Variants in ADPGK observed in about 807,000 individuals in gnomAD.
ADPGK encodes ADP-dependent glucokinase.
Under a neutral mutation model 42.4 loss-of-function variants are expected in ADPGK, and 26 were observed. The ratio of observed to expected loss-of-function variants is 0.61; its 90% CI spans 0.45 to 0.85. The LOEUF (loss-of-function observed/expected upper bound fraction) is 0.85. Among genes scored for constraint, ADPGK ranks in the 40% least tolerant of loss-of-function variants. ADPGK has a pLI of 0.00. For synonymous variants in ADPGK, 267 were observed against 252.6 expected (o/e 1.06, Z -0.54); for missense variants, 571 against 627.0 (o/e 0.91, Z 0.95).
At chr15:72,755,452 A>G (rs2151069800) in intron 6 of ADPGK, 104 bp downstream of exon 6, 4 of 791,292 alleles carry the variant, frequency 5.1e-6, no homozygotes, top group Non-Finnish European at 8.3e-6. Flanking sequence ...CCTACATGTC[A>G]GTGAGCCAGT....
chr15:72,752,389 G>C lies in ADPGK; in HGVS notation c.1446C>G (p.Ala482=). 6.2e-7 allele frequency: 1 copy of C among 1,614,174 alleles called. No homozygotes were observed. Among genetic ancestry groups the C allele is most frequent in the Non-Finnish European group, 8.5e-7 (1 of 1,180,016 alleles). Residue 482 remains alanine, a synonymous_variant, in exon 7 of 7, where the codon GCC becomes GCG. Coordinates refer to ENST00000456471, the MANE Select transcript of ADPGK (RefSeq NM_001365225.1). ...DPIRTVGLGD[A]ISAEGLFYSE... Reference sequence around the variant, plus strand: ...AATAGAAGAGTCCTTCGGCTGAAATGGCATCTCCAAGGCCTACAGTTCGAA... The same window carrying C: ...AATAGAAGAGTCCTTCGGCTGAAATCGCATCTCCAAGGCCTACAGTTCGAA...
intron 2 of ADPGK, among the ~76,000 whole-genome samples, chr15:72,773,779 C>G (rs1426981694): frequency 6.6e-6 from 1 of 152,234 alleles, no homozygotes; most frequent in African/African-American, 2.4e-5. Flanking sequence ...TAACTGAAAT[C>G]TTAACTTGCT....
rs779619402 is a variant in ADPGK at position 72,775,065 on chromosome 15, CCT to C, written c.264_265del (p.Val90GlufsTer9). On this transcript the variant is annotated frameshift_variant, in exon 2 of 7. Transcript: ENST00000456471. LOFTEE classifies it high-confidence loss of function. ...GCCAAGTGCCTGCAAGAGCTTCACCCCTGAGAGCACCACATCAACACATGCAT... is the reference window on the plus strand; with the variant it reads ...GCCAAGTGCCTGCAAGAGCTTCACCCGAGAGCACCACATCAACACATGCAT... The C allele has an allele frequency of 2.5e-6, 4 of 1,614,142 alleles. No individual in the cohort carries two copies. The highest frequency in any genetic ancestry group is 3.4e-6 in the Non-Finnish European group (4 of 1,180,012).
At chr15:72,775,511 G>C (rs971724134) in intron 1 of ADPGK, among the ~76,000 whole-genome samples, 1 of 152,196 alleles carries the variant, frequency 6.6e-6, no homozygotes, top group Non-Finnish European at 1.5e-5. Context: ...GCAATAATAT[G>C]AGCATTTAAC....
At chr15:72,763,736 T>C (rs948874534) in intron 3 of ADPGK, among the ~76,000 whole-genome samples, 2 of 152,222 alleles carry the variant, frequency 1.3e-5, no homozygotes, top group African/African-American at 4.8e-5. Flanking sequence ...CTGCAGATAC[T>C]GCAGTTTTTA....
Position 72,760,470 on chromosome 15 carries a change from A to G in ADPGK, c.580T>C (p.Phe194Leu), listed in dbSNP as rs765293691. Residue 194 changes from phenylalanine (F) to leucine (L), a missense_variant, in exon 4 of 7, where the codon TTT (phenylalanine) becomes CTT (leucine). Physicochemically the swap from Phe to Leu is conservative, Grantham distance 22. Around this residue, in one of 2 missense-constraint regions of ADPGK, gnomAD observed 434 missense variants for 522.7 expected, o/e 0.83. Transcript: ENST00000456471. Reference sequence around the variant, plus strand: ...TCCTGCAATGACTCTGGTGGAACAAAGACATTGTCATCAAGAAGCTCATGT... The same window carrying G: ...TCCTGCAATGACTCTGGTGGAACAAGGACATTGTCATCAAGAAGCTCATGT... ...KLHELLDDNV[F>L]VPPESLQEVD... The G allele has an allele frequency of 8.7e-6, 14 of 1,610,794 alleles. No individual in the cohort carries two copies. In the South Asian group the frequency reaches 1.4e-4, roughly 16 times the overall value.
At chr15:72,753,732 A>T (rs1471995175) in intron 6 of ADPGK, among the ~76,000 whole-genome samples, 1 of 152,242 alleles carries the variant, frequency 6.6e-6, no homozygotes, top group African/African-American at 2.4e-5. Flanking sequence ...TTCTTACTGT[A>T]ATCTTCTGAG....
chr15:72,758,280 T>G, intron 4 of ADPGK: 3 of 751,290 alleles, frequency 4.0e-6, no homozygotes, highest in South Asian at 2.9e-5. Context: ...TCACAAAGTG[T>G]TGTATTCATT....
intron 6 of ADPGK, among the ~76,000 whole-genome samples, chr15:72,753,216 T>C (rs1466904595): frequency 6.6e-6 from 1 of 152,206 alleles, no homozygotes; most frequent in Non-Finnish European, 1.5e-5. Context: ...ACTGCACACA[T>C]AGGAGATACT....
intron 3 of ADPGK, among the ~76,000 whole-genome samples, chr15:72,764,634 T>C (rs190853423): frequency 1.2e-3 from 184 of 152,346 alleles, no homozygotes; most frequent in Non-Finnish European, 1.4e-3. Context: ...CTGATGAACA[T>C]GGCTACACTA....
chr15:72,756,278 C>G lies in ADPGK; in HGVS notation c.813G>C (p.Lys271Asn), dbSNP rs376190359. 6.2e-7 allele frequency: 1 copy of G among 1,614,090 alleles called. No homozygotes were observed. The highest frequency in any genetic ancestry group is 8.5e-7 in the Non-Finnish European group (1 of 1,180,024). ...SGLHMMEGQS[K>N]ELQRKRLLEV... Reference sequence around the variant, plus strand: ...CCAAGAGTCTCTTCCTCTGGAGCTCCTTGCTTTGTCCCTCCATCATGTGCA... The same window carrying G: ...CCAAGAGTCTCTTCCTCTGGAGCTCGTTGCTTTGTCCCTCCATCATGTGCA... Residue 271 changes from lysine (K) to asparagine (N), a missense_variant, in exon 5 of 7, where the codon AAG becomes AAC. Physicochemically the swap from Lys to Asn is moderately conservative, Grantham distance 94. Transcript: ENST00000456471.
intron 3 of ADPGK, among the ~76,000 whole-genome samples, chr15:72,768,360 C>T (rs537837741): frequency 1.3e-5 from 2 of 152,064 alleles, no homozygotes; most frequent in African/African-American, 2.4e-5. Flanking sequence ...AATACCAATG[C>T]GACACTCACT....
chr15:72,760,549 T>C lies in ADPGK; in HGVS notation c.523-22A>G, dbSNP rs774621065. ...GAACCTGGAGGCAAGCAACACGAAG[T>C]CCATCAGGAGCCCCGTTCCTTTCCC... On this transcript the variant is annotated intron_variant, in intron 3 of 6. Coordinates refer to ENST00000456471, the MANE Select transcript of ADPGK (RefSeq NM_001365225.1). 2.5e-6 allele frequency: 4 copies of C among 1,589,032 alleles called. No individual in the cohort carries two copies. In the East Asian group the frequency reaches 9.1e-5, roughly 36 times the overall value.
intron 1 of ADPGK, among the ~76,000 whole-genome samples, chr15:72,782,544 A>AAAAAC (rs1555405388): frequency 1.3e-5 from 2 of 150,960 alleles, no homozygotes; most frequent in Non-Finnish European, 3.0e-5. Context: ...AAAAAAAAAA[A>AAAAAC]AAAACCCCAA....
At chr15:72,766,156 T>TA (rs1234363841) in intron 3 of ADPGK, among the ~76,000 whole-genome samples, 7 of 151,926 alleles carry the variant, frequency 4.6e-5, no homozygotes, top group Admixed American at 2.6e-4. Context: ...CCTAGCTAAT[T>TA]AAAAAAAATT....
chr15:72,771,645 T>C (rs2066329677), intron 3 of ADPGK, 138 bp downstream of exon 3: 1 of 675,684 alleles, frequency 1.5e-6, no homozygotes, highest in Admixed American at 2.9e-5. Flanking sequence ...CTATTACTGC[T>C]TCCTAACAAA....
At chr15:72,780,715 C>T (rs144059942) in intron 1 of ADPGK, among the ~76,000 whole-genome samples, 1 of 152,260 alleles carries the variant, frequency 6.6e-6, no homozygotes, top group African/African-American at 2.4e-5. Context: ...CAGGTCAAGG[C>T]CACAGTGAGC....
At chr15:72,760,786 C>G (rs1176467259) in intron 3 of ADPGK, among the ~76,000 whole-genome samples, 3 of 152,166 alleles carry the variant, frequency 2.0e-5, no homozygotes, top group African/African-American at 7.2e-5. Context: ...AGCCGTCAGG[C>G]ACCTATGCAG....
rs1351496234 is a variant in ADPGK, at chr15:72,783,534, G to T, written c.158C>A (p.Pro53His). ...CCAGGCTGCCGCCAACCGGCCCTCGGGGGAGACGGGTCCCGGGGGCGCAGG... is the reference window on the plus strand; with the variant it reads ...CCAGGCTGCCGCCAACCGGCCCTCGTGGGAGACGGGTCCCGGGGGCGCAGG... ...PAPAPPGPVS[P>H]EGRLAAAWDA... Residue 53 changes from proline to histidine, a missense_variant, in exon 1 of 7, where the codon CCC (proline) becomes CAC (histidine). Pro to His is a moderately conservative substitution (Grantham distance 77). Transcript: ENST00000456471. The T allele has an allele frequency of 6.7e-7, 1 of 1,490,084 alleles. No individual in the cohort carries two copies. Among genetic ancestry groups the T allele is most frequent in the Admixed American group, 2.2e-5 (1 of 45,442 alleles). The allele number at this position is 1,490,084 out of a possible 1,614,324, so 92.3% of individuals were successfully genotyped here. A position where few individuals can be genotyped will look rare whatever the true frequency, so the allele number is the denominator to read the frequency against.
Sources: gnomAD v4.1 joint callset for allele counts (sites outside exome capture counted in the v4.1 genomes callset) on GRCh38, gnomAD v4.1.1 for gene constraint, gnomAD v4.1.1 regional missense constraint, MANE v1.5 for transcripts, NCBI Gene and HGNC (gene_info 2026-07-23, HGNC 2026-07-21) for gene names.